The following SLC17A5 variants were observed in gnomAD, a reference collection of about 807,000 sequenced individuals.
SLC17A5 encodes the protein solute carrier family 17 member 5, also known as sialin.
Under a neutral mutation model 59.4 loss-of-function variants are expected in SLC17A5, and 47 were observed. The observed-to-expected ratio is 0.79, with a 90% CI of 0.63 to 1.01. The LOEUF (loss-of-function observed/expected upper bound fraction) is 1.01, where lower values mean the gene tolerates loss of function less well. Ranked by LOEUF, SLC17A5 falls within the 50% of genes least tolerant of loss-of-function variation. The pLI is 0.00. For missense variants in SLC17A5, 522 were observed against 595.5 expected (o/e 0.88, Z 1.28); for synonymous variants, 202 against 210.7 (o/e 0.96, Z 0.36).
chr6:73,625,071 T>C (rs1286074447), intron 6 of SLC17A5, among the ~76,000 whole-genome samples: 1 of 152,208 alleles, frequency 6.6e-6, no homozygotes, highest in Non-Finnish European at 1.5e-5. Flanking sequence ...GTTGCTGTTA[T>C]TTTAAAAAGA....
chr6:73,641,216 A>ATT (rs1769266122), intron 3 of SLC17A5, among the ~76,000 whole-genome samples: 1 of 152,148 alleles, frequency 6.6e-6, no homozygotes, highest in African/African-American at 2.4e-5. Context: ...AGTAGCTGCA[A>ATT]TTACAGGTGT....
At chr6:73,615,237 CT>C (rs1767800749) in intron 8 of SLC17A5, 77 bp downstream of exon 8, 4 of 1,519,242 alleles carry the variant, frequency 2.6e-6, no homozygotes, top group South Asian at 2.3e-5. Context: ...GGGAAACACA[CT>C]TTGTTTTCCT....
In SLC17A5 at chr6:73,648,302, G is replaced by A. The variant is rs1769680409; in HGVS notation, c.95-3699C>T. On this transcript the variant is annotated intron_variant, in intron 1 of 10. Transcript: ENST00000355773. ...CAAAAGCATGCTTGCATGACCAAGA[G>A]AGAGAACATCCATTGAGCATCAAGT... Among the ~76,000 whole-genome samples the A allele has an allele frequency of 2.0e-5, 3 of 152,226 alleles. No homozygotes were observed. The South Asian group carries it at 6.2e-4, about 31-fold the overall frequency.
intron 8 of SLC17A5, among the ~76,000 whole-genome samples, chr6:73,611,525 C>CCA (rs2150087622): frequency 6.6e-6 from 1 of 151,846 alleles, no homozygotes; most frequent in African/African-American, 2.4e-5. Flanking sequence ...AGCGATCCAC[C>CCA]CACCTTGCCT....
At chr6:73,600,517 T>C in intron 9 of SLC17A5, 76 bp from the exon 10 acceptor site, 3 of 1,246,972 alleles carry the variant, frequency 2.4e-6, no homozygotes, top group Non-Finnish European at 3.4e-6. Flanking sequence ...TCTTTTTTTT[T>C]TTTTTTTTTG....
At chr6:73,642,118 AC>A (rs1769313934) in intron 2 of SLC17A5, among the ~76,000 whole-genome samples, 194 bp from the exon 3 acceptor site, 1 of 152,234 alleles carries the variant, frequency 6.6e-6, no homozygotes, top group Non-Finnish European at 1.5e-5. Flanking sequence ...ATGAAAAAGA[AC>A]TGACAGTCGT....
intron 8 of SLC17A5, among the ~76,000 whole-genome samples, chr6:73,614,151 A>G (rs918233403): frequency 2.6e-5 from 4 of 152,166 alleles, no homozygotes; most frequent in African/African-American, 9.7e-5. Context: ...CTGTAGTCCT[A>G]GCTACTCAGG....
chr6:73,623,961 T>C (rs946137470), intron 6 of SLC17A5, among the ~76,000 whole-genome samples: 2 of 151,900 alleles, frequency 1.3e-5, no homozygotes, highest in Non-Finnish European at 2.9e-5. Context: ...CCTCCCAAAG[T>C]GCTGGGATTA....
In SLC17A5 at chr6:73,595,203, T is replaced by C; in HGVS notation, c.1362A>G (p.Gly454=). 6.2e-7 allele frequency: 1 copy of C among 1,614,118 alleles called. No homozygotes were observed. Among genetic ancestry groups the C allele is most frequent in the Non-Finnish European group, 8.5e-7 (1 of 1,180,018 alleles). ...AKSLTPDNTV[G]EWQTVFYIAA... is the part of the protein sequence containing the mutation. ...CAATATAGAACACGGTTTGCCATTC[T>C]CCAACAGTGTTCTATAAAGGAAGAC... Residue 454 remains glycine, a synonymous_variant, in exon 11 of 11, where the codon GGA becomes GGG. Coordinates refer to ENST00000355773, the MANE Select transcript of SLC17A5 (RefSeq NM_012434.5).
intron 8 of SLC17A5, among the ~76,000 whole-genome samples, chr6:73,614,922 G>A (rs1767787883): frequency 6.6e-6 from 1 of 152,166 alleles, no homozygotes; most frequent in Admixed American, 6.6e-5. Context: ...TGCTCTAGCA[G>A]ATTAACTGAA....
chr6:73,633,811 T>C (rs920601366), intron 6 of SLC17A5, among the ~76,000 whole-genome samples: 3 of 151,120 alleles, frequency 2.0e-5, no homozygotes, highest in African/African-American at 4.9e-5. Context: ...ACCAGGGAGA[T>C]AGAGGTTGCA....
chr6:73,600,503 T>A, intron 9 of SLC17A5, 62 bp from the exon 10 acceptor site: 2 of 1,235,162 alleles, frequency 1.6e-6, no homozygotes, highest in East Asian at 2.5e-5. Flanking sequence ...CTTCATTCTT[T>A]CCTTCTTTTT....
intron 1 of SLC17A5, among the ~76,000 whole-genome samples, chr6:73,650,626 T>C (rs1474166826): frequency 6.7e-6 from 1 of 148,816 alleles, no homozygotes; most frequent in Non-Finnish European, 1.5e-5. Flanking sequence ...GCCTGGGAGG[T>C]TGAGGCTGCA....
At chr6:73,615,880 C>CTTTTTTGTTTTTT (rs1561990017) in intron 7 of SLC17A5, among the ~76,000 whole-genome samples, 2 of 97,580 alleles carry the variant, frequency 2.0e-5, no homozygotes, top group Non-Finnish European at 2.1e-5. Flanking sequence ...ATGAATCATT[C>CTTTTTTGTTTTTT]TTTTTTTTTT....
intron 6 of SLC17A5, among the ~76,000 whole-genome samples, chr6:73,630,664 G>A (rs975713830): frequency 6.6e-6 from 1 of 151,970 alleles, no homozygotes; most frequent in African/African-American, 2.4e-5. Flanking sequence ...CCTTATGCAC[G>A]AGAGCAACAC....
At chr6:73,601,233 C>T (rs1016576024) in intron 9 of SLC17A5, among the ~76,000 whole-genome samples, 1 of 147,636 alleles carries the variant, frequency 6.8e-6, no homozygotes, top group East Asian at 2.1e-4. Flanking sequence ...TGCCTGGCCC[C>T]GACCCCGTCT....
In SLC17A5 at chr6:73,593,886, G is replaced by A. The variant is rs1227964504; in HGVS notation, c.*1191C>T. On this transcript the variant is annotated 3_prime_UTR_variant, in exon 11 of 11. Transcript: ENST00000355773. ...TCAAAACCAGCCTGGGCGACAAAAC[G>A]AGACCCCATCTCTACAAAATACAAA... The A allele has an allele frequency of 6.6e-6, 1 of 152,086 alleles. No individual in the cohort carries two copies. The allele number at this position is 152,086 out of a possible 1,614,324, so 9.4% of individuals were successfully genotyped here. A position where few individuals can be genotyped will look rare whatever the true frequency, so the allele number is the denominator to read the frequency against.
chr6:73,595,255 G>C (rs759539292), intron 10 of SLC17A5, 41 bp from the exon 11 acceptor site: 9 of 1,609,238 alleles, frequency 5.6e-6, no homozygotes, highest in Middle Eastern at 1.7e-4. Context: ...ATAAAATTTT[G>C]TGTGTAGTTC....
chr6:73,625,798 C>T (rs1768382367), intron 6 of SLC17A5, among the ~76,000 whole-genome samples: 1 of 152,100 alleles, frequency 6.6e-6, no homozygotes, highest in Non-Finnish European at 1.5e-5. Flanking sequence ...AGACCAAGGT[C>T]ACACCACAGA....
Sources: gnomAD v4.1 joint callset for allele counts (sites outside exome capture counted in the v4.1 genomes callset) on GRCh38, gnomAD v4.1.1 for gene constraint, MANE v1.5 for transcripts, NCBI Gene and HGNC (gene_info 2026-07-23, HGNC 2026-07-21) for gene names.